Variants in SHISAL1 observed in about 807,000 individuals in gnomAD.
SHISAL1 encodes the protein shisa like 1, also known as protein shisa-like-1.
SHISAL1 carries 9 observed loss-of-function variants against 22.6 expected under a neutral mutation model. The observed-to-expected ratio is 0.40, with a 90% CI of 0.24 to 0.70. SHISAL1 has a LOEUF of 0.70. SHISAL1 is among the 30% of genes least tolerant of loss of function. The probability of loss-of-function intolerance (pLI) is 0.39; values close to 1 mark genes in which losing one functional copy is unlikely to be tolerated. For missense variants in SHISAL1, 246 were observed against 270.6 expected (o/e 0.91, Z 0.64); for synonymous variants, 119 against 115.4 (o/e 1.03, Z -0.20).
intron 4 of SHISAL1, among the ~76,000 whole-genome samples, chr22:44,280,478 G>C (rs1292211270): frequency 6.6e-6 from 1 of 152,128 alleles, no homozygotes; most frequent in Non-Finnish European, 1.5e-5. Flanking sequence ...ATACCAAGGG[G>C]GGCAGTGTCT....
At chr22:44,261,862 C>T (rs1434694237) in intron 4 of SHISAL1, among the ~76,000 whole-genome samples, 1 of 152,252 alleles carries the variant, frequency 6.6e-6, no homozygotes, top group Non-Finnish European at 1.5e-5. Flanking sequence ...TCACCTTGCC[C>T]CTCATGGCCA....
At chr22:44,327,893 A>G in the SHISAL1 span, among the ~76,000 whole-genome samples, 42 of 152,194 alleles carry the variant, frequency 2.8e-4, no homozygotes, top group Non-Finnish European at 4.9e-4. Flanking sequence ...ACAAGGCCCC[A>G]CTATTCTTAG....
upstream of SHISAL1, among the ~76,000 whole-genome samples, chr22:44,313,388 G>C (rs1166778572): frequency 6.6e-6 from 1 of 152,208 alleles, no homozygotes; most frequent in Non-Finnish European, 1.5e-5. Context: ...CACCAGCCCG[G>C]GGAGGAAGGG....
intron 4 of SHISAL1, among the ~76,000 whole-genome samples, chr22:44,273,115 A>C (rs1490230745): frequency 1.3e-5 from 2 of 152,100 alleles, no homozygotes; most frequent in Admixed American, 6.5e-5. Context: ...AACAAAAAAA[A>C]CCACATTGGC....
In SHISAL1 at chr22:44,249,662, C is replaced by T. The variant is rs747049126; in HGVS notation, c.*23G>A. ...GTGCTTCAGATCTCATCTCCCCCAT[C>T]CTGAGGCACAGCAAAAGCGTTTTCT... On this transcript the variant is annotated 3_prime_UTR_variant, in exon 5 of 5. Coordinates refer to ENST00000381176, the MANE Select transcript of SHISAL1 (RefSeq NM_001099294.2). The T allele has an allele frequency of 1.3e-6, 1 of 779,982 alleles. No individual in the cohort carries two copies. The highest frequency in any genetic ancestry group is 1.3e-5 in the South Asian group (1 of 74,552). 48.3% of individuals were successfully genotyped at this position (779,982 alleles called of 1,614,324 possible). A position where few individuals can be genotyped will look rare whatever the true frequency, so the allele number is the denominator to read the frequency against.
chr22:44,301,822 T>C (rs562094206), intron 1 of SHISAL1, among the ~76,000 whole-genome samples: 8 of 152,142 alleles, frequency 5.3e-5, no homozygotes, highest in Non-Finnish European at 1.2e-4. Context: ...GACTGCAAGA[T>C]TCCACCTACA....
At chr22:44,255,080 G>A (rs1254375666) in intron 4 of SHISAL1, among the ~76,000 whole-genome samples, 1 of 152,048 alleles carries the variant, frequency 6.6e-6, no homozygotes, top group East Asian at 1.9e-4. Flanking sequence ...TCCTGCTCCA[G>A]CCCTTTGCTG....
chr22:44,270,691 A>G (rs1279341435), intron 4 of SHISAL1, among the ~76,000 whole-genome samples: 1 of 152,086 alleles, frequency 6.6e-6, no homozygotes, highest in Non-Finnish European at 1.5e-5. Context: ...GTCGGAAAGA[A>G]GAGCCGGACA....
At chr22:44,325,808 G>A in the SHISAL1 span, among the ~76,000 whole-genome samples, 7 of 151,872 alleles carry the variant, frequency 4.6e-5, no homozygotes, top group African/African-American at 1.2e-4. Flanking sequence ...AGCCACATCC[G>A]TGTGAGACCC....
intron 1 of SHISAL1, among the ~76,000 whole-genome samples, chr22:44,304,611 T>G (rs750836996): frequency 8.5e-5 from 13 of 152,178 alleles, no homozygotes; most frequent in Non-Finnish European, 1.8e-4. Flanking sequence ...TTAATTGCTC[T>G]GAGCCTGGGC....
the SHISAL1 span, among the ~76,000 whole-genome samples, chr22:44,321,758 CA>C: frequency 8.4e-4 from 128 of 152,290 alleles, 2 homozygotes; most frequent in Non-Finnish European, 1.1e-3. Context: ...GAAGCGGGAC[CA>C]ACCCCAGCGC....
intron 4 of SHISAL1, among the ~76,000 whole-genome samples, chr22:44,281,292 G>C (rs1156254480): frequency 6.6e-6 from 1 of 152,184 alleles, no homozygotes; most frequent in Non-Finnish European, 1.5e-5. Flanking sequence ...GTTCTGGTCG[G>C]GGGAGCTGCA....
intron 3 of SHISAL1, among the ~76,000 whole-genome samples, chr22:44,287,073 G>C (rs114204027): frequency 0.012 from 741 of 61,048 alleles, 8 homozygotes; most frequent in African/African-American, 0.034. Context: ...TTTGAGGCTG[G>C]GGGGAAGGGG....
chr22:44,253,818 AAAT>A (rs1363806636), intron 4 of SHISAL1, among the ~76,000 whole-genome samples: 1 of 140,564 alleles, frequency 7.1e-6, no homozygotes, highest in Non-Finnish European at 1.5e-5. Context: ...ATACGGAGCC[AAAT>A]AATCTAACAA....
At chr22:44,314,190 G>T (rs981602179), upstream of SHISAL1, among the ~76,000 whole-genome samples, 83 of 150,906 alleles carry the variant, frequency 5.5e-4, no homozygotes, top group African/African-American at 1.9e-3. Context: ...AGGATGAGTC[G>T]GGCGGTGGGG....
the SHISAL1 span, among the ~76,000 whole-genome samples, chr22:44,329,206 T>A: frequency 6.6e-6 from 1 of 152,118 alleles, no homozygotes; most frequent in Admixed American, 6.5e-5. Flanking sequence ...AGCACAGGCA[T>A]GGGGGCTCGG....
intron 3 of SHISAL1, among the ~76,000 whole-genome samples, chr22:44,286,257 GC>G (rs1363716257): frequency 2.0e-5 from 3 of 152,170 alleles, no homozygotes; most frequent in African/African-American, 7.2e-5. Flanking sequence ...ATCAGGTTCT[GC>G]CCTCTAGACC....
chr22:44,285,588 G>C lies in SHISAL1; in HGVS notation c.439C>G (p.Arg147Gly), dbSNP rs777404839. The change falls in exon 4 of 5, where the codon CGG (arginine) becomes GGG (glycine). Residue 147 changes from arginine to glycine, a missense_variant. By Grantham distance (125) the Arg-to-Gly change is moderately radical. Around this residue, in one of 2 missense-constraint regions of SHISAL1, gnomAD observed 136 missense variants for 117.5 expected, o/e 1.16. Coordinates refer to ENST00000381176, the MANE Select transcript of SHISAL1 (RefSeq NM_001099294.2). ...IQGRWMKQDP[R>G]RWGNPARAPR... ...GCCCGAGCGGGGTTCCCCCACCGCC[G>C]GGGGTCCTGTTTCATCCATCGTCCT... 3.1e-6 allele frequency: 5 copies of C among 1,613,808 alleles called. No individual in the cohort carries two copies. Among genetic ancestry groups the C allele is most frequent in the Non-Finnish European group, 4.2e-6 (5 of 1,179,804 alleles).
chr22:44,323,910 G>A, the SHISAL1 span, among the ~76,000 whole-genome samples: 8 of 152,240 alleles, frequency 5.3e-5, no homozygotes, highest in South Asian at 1.5e-3. Context: ...CTATATGCCC[G>A]TCTGCACCAA....
Sources: allele counts gnomAD v4.1 joint callset (sites outside exome capture counted in the v4.1 genomes callset), GRCh38; gene constraint gnomAD v4.1.1; regional missense constraint gnomAD v4.1.1; transcripts MANE v1.5; gene names NCBI Gene and HGNC (gene_info 2026-07-23, HGNC 2026-07-21).